Variants in NAALADL2 observed in about 807,000 individuals in gnomAD.
The protein encoded by NAALADL2 is inactive N-acetylated-alpha-linked acidic dipeptidase-like protein 2.
Under a neutral mutation model 87.2 loss-of-function variants are expected in NAALADL2, and 76 were observed. The ratio of observed to expected loss-of-function variants is 0.87; its 90% CI spans 0.72 to 1.05. NAALADL2 has a LOEUF of 1.05. Ranked by LOEUF, NAALADL2 falls within the 50% of genes least tolerant of loss-of-function variation. The pLI is 0.00. For synonymous variants in NAALADL2, 354 were observed against 331.0 expected (o/e 1.07, Z -0.75); for missense variants, 1,089 against 945.8 (o/e 1.15, Z -1.99).
intron 2 of NAALADL2, among the ~76,000 whole-genome samples, chr3:174,606,538 G>C (rs921740521): frequency 6.6e-6 from 1 of 152,212 alleles, no homozygotes; most frequent in African/African-American, 2.4e-5. Flanking sequence ...AGCCTCAGGA[G>C]TCGATGTGAT....
intron 10 of NAALADL2, among the ~76,000 whole-genome samples, chr3:175,600,868 T>C (rs1267117097): frequency 1.3e-5 from 2 of 152,152 alleles, no homozygotes; most frequent in African/African-American, 4.8e-5. Context: ...TTGAGCCAAC[T>C]AACCAGACCA....
chr3:175,317,620 T>A (rs1191155747), intron 4 of NAALADL2, among the ~76,000 whole-genome samples: 1 of 152,068 alleles, frequency 6.6e-6, no homozygotes, highest in Non-Finnish European at 1.5e-5. Context: ...ACACCCAATA[T>A]GTGGTTATAG....
chr3:174,490,246 C>A (rs116459948), intron 1 of NAALADL2, among the ~76,000 whole-genome samples: 2 of 151,894 alleles, frequency 1.3e-5, no homozygotes, highest in Non-Finnish European at 2.9e-5. Flanking sequence ...AGTATTGATA[C>A]GTATTACAAC....
chr3:175,420,621 T>C (rs757710321), intron 5 of NAALADL2, among the ~76,000 whole-genome samples: 4 of 152,036 alleles, frequency 2.6e-5, no homozygotes, highest in African/African-American at 9.7e-5. Context: ...CTTGAAAAGA[T>C]AATTGTTTAA....
At chr3:175,371,604 C>T (rs1766513420) in intron 5 of NAALADL2, among the ~76,000 whole-genome samples, 1 of 152,044 alleles carries the variant, frequency 6.6e-6, no homozygotes, top group South Asian at 2.1e-4. Flanking sequence ...GCGGGTGGAT[C>T]ACCTGAGGTC....
At chr3:174,787,314 A>G (rs1165844310) in intron 3 of NAALADL2, among the ~76,000 whole-genome samples, 1 of 151,400 alleles carries the variant, frequency 6.6e-6, no homozygotes, top group Non-Finnish European at 1.5e-5. Flanking sequence ...AATGCATCTC[A>G]TTTTGTTTAC....
chr3:174,592,448 C>T (rs543998909), intron 2 of NAALADL2, among the ~76,000 whole-genome samples: 3 of 151,964 alleles, frequency 2.0e-5, no homozygotes, highest in Non-Finnish European at 4.4e-5. Context: ...AGGAGCAATA[C>T]CTGAGAAAGT....
rs958570900 is a variant in NAALADL2, at chr3:175,011,733, C to T, written c.44-85057C>T. Among the ~76,000 whole-genome samples the T allele has an allele frequency of 4.6e-5, 7 of 152,220 alleles. 1 individual carries two copies. Among genetic ancestry groups the T allele is most frequent in the South Asian group, 4.1e-4 (2 of 4,828 alleles). On this transcript the variant is annotated intron_variant, in intron 1 of 13. Transcript: ENST00000454872. ...CATGAGGACAGCAGAGGCCCCAAGG[C>T]GTGCTATGTGCCAAGAGACCCAAAT... is the stretch of plus-strand genomic sequence containing the variant.
At chr3:175,445,486 C>T (rs1473767836) in intron 5 of NAALADL2, among the ~76,000 whole-genome samples, 1 of 151,750 alleles carries the variant, frequency 6.6e-6, no homozygotes, top group Non-Finnish European at 1.5e-5. Flanking sequence ...TTTATATTTA[C>T]CTTCCTTCTG....
intron 3 of NAALADL2, among the ~76,000 whole-genome samples, chr3:174,840,535 A>G (rs774082235): frequency 2.6e-5 from 4 of 152,200 alleles, no homozygotes; most frequent in South Asian, 2.1e-4. Context: ...CAAGTTTAGC[A>G]GAGGCATTTT....
chr3:174,571,707 G>A (rs545216554), intron 2 of NAALADL2, among the ~76,000 whole-genome samples: 31 of 152,214 alleles, frequency 2.0e-4, no homozygotes, highest in Admixed American at 5.2e-4. Flanking sequence ...GGGTGATGAA[G>A]TCTGGCTTTA....
intron 2 of NAALADL2, among the ~76,000 whole-genome samples, chr3:174,712,380 C>CTTTTTTTTTTTTTTTTTTT (rs1169827021): frequency 2.8e-5 from 2 of 70,432 alleles, no homozygotes; most frequent in Admixed American, 2.4e-4. Flanking sequence ...TTCTCCTCTT[C>CTTTTTTTTTTTTTTTTTTT]TTTTTTTTTT....
intron 1 of NAALADL2, among the ~76,000 whole-genome samples, chr3:174,443,771 A>AAAGAGAG (rs1440048185): frequency 2.0e-5 from 3 of 152,010 alleles, no homozygotes; most frequent in Non-Finnish European, 3.0e-5. Context: ...AAAGAGCTGC[A>AAAGAGAG]TTCCATGTAA....
intron 13 of NAALADL2, among the ~76,000 whole-genome samples, chr3:175,757,113 ACAGTC>A (rs1747372826): frequency 6.6e-6 from 1 of 151,806 alleles, no homozygotes; most frequent in Non-Finnish European, 1.5e-5. Flanking sequence ...GGCTAAACAA[ACAGTC>A]CTCCTACTCC....
At chr3:174,869,189 G>A (rs150993867) in intron 1 of NAALADL2, among the ~76,000 whole-genome samples, 1 of 152,214 alleles carries the variant, frequency 6.6e-6, no homozygotes, top group African/African-American at 2.4e-5. Flanking sequence ...GAGAATCACT[G>A]GGAATGAGGT....
rs1553854998 is a variant in NAALADL2, at chr3:174,786,464, A to AAT, written c.-9+48719_-9+48720insTA. Reference sequence around the variant, plus strand: ...GACTCTGTCTCAAAAAAAAAAAAAAAAATAATAAATAAATGAAAAGGAGAA... The same window carrying AAT: ...GACTCTGTCTCAAAAAAAAAAAAAAAATAATAATAAATAAATGAAAAGGAGAA... On this transcript the variant is annotated intron_variant, in intron 3 of 3. Transcript: ENST00000434257. Among the ~76,000 whole-genome samples, 63 of 128,734 alleles carry AAT rather than the reference A, an allele frequency of 4.9e-4. 1 individual carries two copies. The highest frequency in any genetic ancestry group is 1.9e-3 in the African/African-American group (63 of 32,594). The allele number at this position is 128,734 out of a possible 152,430, so 84.5% of individuals were successfully genotyped here.
At chr3:175,425,558 A>G (rs1270423673) in intron 5 of NAALADL2, among the ~76,000 whole-genome samples, 1 of 152,182 alleles carries the variant, frequency 6.6e-6, no homozygotes, top group Non-Finnish European at 1.5e-5. Flanking sequence ...GCTGAGGTAA[A>G]CATGAACACT....
chr3:175,661,752 C>G (rs1732286578), intron 11 of NAALADL2, among the ~76,000 whole-genome samples: 1 of 151,886 alleles, frequency 6.6e-6, no homozygotes, highest in Non-Finnish European at 1.5e-5. Flanking sequence ...AAAATATTGT[C>G]TTTTCCCCAT....
intron 11 of NAALADL2, among the ~76,000 whole-genome samples, chr3:175,668,936 G>C (rs1435231320): frequency 6.6e-6 from 1 of 152,106 alleles, no homozygotes; most frequent in East Asian, 1.9e-4. Context: ...CTATGTGCAA[G>C]GCACTGTATC....
Sources: allele counts gnomAD v4.1 joint callset (sites outside exome capture counted in the v4.1 genomes callset), GRCh38; gene constraint gnomAD v4.1.1; transcripts MANE v1.5; gene names NCBI Gene and HGNC (gene_info 2026-07-23, HGNC 2026-07-21).